Variants in ITPR2 observed in about 807,000 individuals in gnomAD.
ITPR2 encodes inositol 1,4,5-trisphosphate receptor type 2.
ITPR2 carries 207 observed loss-of-function variants against 317.1 expected under a neutral mutation model. The observed-to-expected ratio is 0.65, with a 90% CI of 0.58 to 0.73. The LOEUF is 0.73. Among genes scored for constraint, ITPR2 ranks in the 30% least tolerant of loss-of-function variants. The pLI is 0.00. For synonymous variants in ITPR2, 1,156 were observed against 1,149.1 expected (o/e 1.01, Z -0.12); for missense variants, 2,613 against 3,284.0 (o/e 0.80, Z 4.99).
At chr12:26,675,201 A>G (rs1348905099) in intron 13 of ITPR2, among the ~76,000 whole-genome samples, 1 of 152,188 alleles carries the variant, frequency 6.6e-6, no homozygotes, top group African/African-American at 2.4e-5. Flanking sequence ...TACTGGGTAT[A>G]TACCCAAAGG....
chr12:26,385,900 A>T (rs1939651907), intron 55 of ITPR2, among the ~76,000 whole-genome samples: 1 of 151,882 alleles, frequency 6.6e-6, no homozygotes, highest in Admixed American at 6.6e-5. Context: ...AGAACCTGGC[A>T]TATTCTACTT....
At chr12:26,567,948 TATTATA>T (rs1945020057) in intron 34 of ITPR2, among the ~76,000 whole-genome samples, 1 of 32,250 alleles carries the variant, frequency 3.1e-5, no homozygotes, top group African/African-American at 1.0e-4. Flanking sequence ...TATATATATA[TATTATA>T]TATATATATA....
chr12:26,369,320 G>C lies in ITPR2; in HGVS notation c.7857+18114C>G, dbSNP rs80049680. Among the ~76,000 whole-genome samples, 22 of 152,278 alleles carry C rather than the reference G, an allele frequency of 1.4e-4. No individual in the cohort carries two copies. The East Asian group carries it at 4.0e-3, about 28-fold the overall frequency. On this transcript the variant is annotated intron_variant, in intron 55 of 56. Coordinates refer to ENST00000381340, the MANE Select transcript of ITPR2 (RefSeq NM_002223.4). ...CATTTTTTTCTTTGAGGCATAGTCA[G>C]TAGAGGGGCAAGTATGGAAGAAAAA...
intron 37 of ITPR2, among the ~76,000 whole-genome samples, chr12:26,525,354 G>T (rs1351796973): frequency 1.3e-5 from 2 of 152,060 alleles, no homozygotes; most frequent in Non-Finnish European, 2.9e-5. Context: ...GTATATCCTT[G>T]TTAAGTAAAC....
chr12:26,521,571 C>T (rs1016151399), intron 37 of ITPR2, among the ~76,000 whole-genome samples: 1 of 152,118 alleles, frequency 6.6e-6, no homozygotes, highest in Non-Finnish European at 1.5e-5. Context: ...GGTTTACAGA[C>T]TTAATTTGGC....
intron 22 of ITPR2, among the ~76,000 whole-genome samples, chr12:26,628,385 A>G (rs540349325): frequency 6.6e-6 from 1 of 152,330 alleles, no homozygotes; most frequent in South Asian, 2.1e-4. Flanking sequence ...TGGAAAGAAC[A>G]TTTGACTCCC....
chr12:26,533,164 T>A (rs1039143233), intron 37 of ITPR2, among the ~76,000 whole-genome samples: 2 of 152,208 alleles, frequency 1.3e-5, no homozygotes, highest in African/African-American at 4.8e-5. Context: ...TATCAAATTT[T>A]CAAATTTTCC....
intron 9 of ITPR2, among the ~76,000 whole-genome samples, chr12:26,707,977 G>C (rs1159386240): frequency 6.6e-6 from 1 of 151,806 alleles, no homozygotes; most frequent in Non-Finnish European, 1.5e-5. Flanking sequence ...CATACAAATG[G>C]CAAACAAATA....
chr12:26,640,661 G>A (rs1052473434), intron 21 of ITPR2, among the ~76,000 whole-genome samples: 2 of 151,972 alleles, frequency 1.3e-5, no homozygotes, highest in Non-Finnish European at 2.9e-5. Context: ...AAGAACCATA[G>A]AGTCTTCTAT....
At chr12:26,712,041 G>T (rs1173633303) in intron 8 of ITPR2, among the ~76,000 whole-genome samples, 3 of 152,128 alleles carry the variant, frequency 2.0e-5, no homozygotes, top group South Asian at 2.1e-4. Context: ...GACACACCTG[G>T]TTATGACAGG....
chr12:26,711,219 A>G lies in ITPR2; in HGVS notation c.905T>C (p.Leu302Ser). The G allele has an allele frequency of 6.2e-7, 1 of 1,613,980 alleles. No individual in the cohort carries two copies. Among genetic ancestry groups the G allele is most frequent in the Non-Finnish European group, 8.5e-7 (1 of 1,179,912 alleles). ...AGTTGCAAGATGCTTAAATCTGAACAAGCTGTTCCACTGTCCTGCACCCCC... is the reference window on the plus strand; with the variant it reads ...AGTTGCAAGATGCTTAAATCTGAACGAGCTGTTCCACTGTCCTGCACCCCC... ...CRGGAGQWNS[L>S]FRFKHLATGN... Residue 302 changes from leucine (L) to serine (S), a missense_variant, in exon 9 of 57, where the codon TTG becomes TCG. By Grantham distance (145) the Leu-to-Ser change is moderately radical. Transcript: ENST00000381340.
Position 26,443,618 on chromosome 12 carries a change from C to A in ITPR2, c.6375G>T (p.Met2125Ile). ...CATCTGGATCCGATCCTGGTTTGAG[C>A]ATCTGCTGCAACAGTTTATTGTGGC... Reference protein sequence around the residue: ...LARHNKLLQQMLKPGSDPDEG... With the variant: ...LARHNKLLQQILKPGSDPDEG... Residue 2125 changes from methionine (M) to isoleucine (I), a missense_variant, in exon 46 of 57, where the codon ATG (methionine) becomes ATT (isoleucine). By Grantham distance (10) the Met-to-Ile change is conservative. Coordinates refer to ENST00000381340, the MANE Select transcript of ITPR2 (RefSeq NM_002223.4). 6.2e-7 allele frequency: 1 copy of A among 1,613,036 alleles called. No homozygotes were observed. Among genetic ancestry groups the A allele is most frequent in the Non-Finnish European group, 8.5e-7 (1 of 1,179,204 alleles).
intron 23 of ITPR2, among the ~76,000 whole-genome samples, chr12:26,625,765 T>C (rs141593968): frequency 7.2e-5 from 11 of 152,292 alleles, no homozygotes; most frequent in African/African-American, 1.9e-4. Context: ...AAAATATACA[T>C]ACAATTAGCC....
intron 21 of ITPR2, among the ~76,000 whole-genome samples, chr12:26,641,257 C>T (rs1946978543): frequency 6.6e-6 from 1 of 151,952 alleles, no homozygotes; most frequent in East Asian, 1.9e-4. Context: ...AAAAATCTCT[C>T]TTTAATATGA....
chr12:26,547,310 A>T (rs1944412274), intron 37 of ITPR2, among the ~76,000 whole-genome samples: 1 of 152,206 alleles, frequency 6.6e-6, no homozygotes, highest in Non-Finnish European at 1.5e-5. Flanking sequence ...ACTCCTCAAC[A>T]TCACTTATCA....
chr12:26,602,415 C>T lies in ITPR2; in HGVS notation c.3633G>A (p.Gly1211=), dbSNP rs1009794896. The T allele has an allele frequency of 1.2e-6, 2 of 1,613,524 alleles. No homozygotes were observed. Among genetic ancestry groups the T allele is most frequent in the African/African-American group, 1.3e-5 (1 of 74,840 alleles). The change falls in exon 28 of 57, where the codon GGG becomes GGA. Residue 1211 remains glycine, a synonymous_variant. Transcript: ENST00000381340. The part of the protein sequence containing the change: ...NQHQRLLKNM[G]AHSVVLDLLQ... ...GAAGATCCAACACCACCGAATGCGC[C>T]CCCATATTTTTCAGTAATCGTTGAT...
rs1213171687 is a variant in ITPR2 at position 26,497,220 on chromosome 12, CT to C, written c.5074-1961del. Among the ~76,000 whole-genome samples the C allele has an allele frequency of 2.0e-5, 3 of 146,868 alleles. No individual in the cohort carries two copies. The East Asian group carries it at 6.3e-4, about 31-fold the overall frequency. On this transcript the variant is annotated intron_variant, in intron 37 of 56. Transcript: ENST00000381340. Reference sequence around the variant, plus strand: ...CCAGGCTGGAGTGCAGTGGCACAATCTCGGCTCACTGCAAGCTCCGCCTCCT... The same window carrying C: ...CCAGGCTGGAGTGCAGTGGCACAATCCGGCTCACTGCAAGCTCCGCCTCCT...
chr12:26,422,515 T>C (rs1021158022), intron 49 of ITPR2, among the ~76,000 whole-genome samples: 1 of 152,152 alleles, frequency 6.6e-6, no homozygotes, highest in African/African-American at 2.4e-5. Flanking sequence ...CTTGCTTTGG[T>C]AAACCCTCCT....
At chr12:26,481,036 T>C (rs766629510) in intron 43 of ITPR2, 95 bp downstream of exon 43, 121 of 663,066 alleles carry the variant, frequency 1.8e-4, no homozygotes, top group Non-Finnish European at 2.7e-4. Context: ...AATTGATTAG[T>C]TGAAAACATG....
Sources: gnomAD v4.1 joint callset for allele counts (sites outside exome capture counted in the v4.1 genomes callset) on GRCh38, gnomAD v4.1.1 for gene constraint, MANE v1.5 for transcripts, NCBI Gene and HGNC (gene_info 2026-07-23, HGNC 2026-07-21) for gene names.